The following ANO6 variants were observed in gnomAD, a reference collection of about 807,000 sequenced individuals.
The protein encoded by ANO6 is anoctamin 6, also known as anoctamin-6.
Under a neutral mutation model 117.5 loss-of-function variants are expected in ANO6, and 106 were observed. The observed-to-expected ratio is 0.90, with a 90% CI of 0.77 to 1.06. The LOEUF is 1.06. ANO6 is among the 50% of genes least tolerant of loss of function. The pLI, the probability that ANO6 is intolerant of heterozygous loss-of-function variation, is 0.00. For synonymous variants in ANO6, 367 were observed against 385.1 expected (o/e 0.95, Z 0.55); for missense variants, 955 against 1,121.1 (o/e 0.85, Z 2.12).
chr12:45,263,071 A>G (rs1938095134), intron 1 of ANO6, among the ~76,000 whole-genome samples: 1 of 151,394 alleles, frequency 6.6e-6, no homozygotes, highest in South Asian at 2.1e-4. Context: ...TCTAGCATGC[A>G]TCAGATTTTT....
chr12:45,224,399 T>C (rs187542065), intron 1 of ANO6, among the ~76,000 whole-genome samples: 2 of 151,954 alleles, frequency 1.3e-5, no homozygotes, highest in East Asian at 3.9e-4. Flanking sequence ...TATACACATG[T>C]ATAAATATGT....
At chr12:45,394,252 G>T (rs959044962) in intron 12 of ANO6, among the ~76,000 whole-genome samples, 1 of 152,092 alleles carries the variant, frequency 6.6e-6, no homozygotes, top group South Asian at 2.1e-4. Flanking sequence ...AGACAAAATA[G>T]GCCATTATGT....
At chr12:45,219,236 T>C (rs577456764) in intron 1 of ANO6, among the ~76,000 whole-genome samples, 53 of 152,168 alleles carry the variant, frequency 3.5e-4, no homozygotes, top group Admixed American at 4.6e-4. Context: ...ATCATAGAGA[T>C]GCTTTATGTA....
chr12:45,284,855 CA>C (rs1938856885), intron 1 of ANO6, among the ~76,000 whole-genome samples: 1 of 152,160 alleles, frequency 6.6e-6, no homozygotes, highest in Admixed American at 6.5e-5. Flanking sequence ...GATGAAACCA[CA>C]AAGGACCAGT....
intron 2 of ANO6, among the ~76,000 whole-genome samples, chr12:45,314,458 A>T (rs201479554): frequency 1.3e-3 from 108 of 86,064 alleles, no homozygotes; most frequent in African/African-American, 3.7e-3. Flanking sequence ...AAAAAAAATT[A>T]TATATATATT....
Position 45,429,951 on chromosome 12 carries a change from G to A in ANO6, c.*640G>A. ...AGTAGGTTGGAGTGAAGATAGCAAG[G>A]TTTTGAAGCATATTTGTCCTAATCC... On this transcript the variant is annotated 3_prime_UTR_variant, in exon 20 of 20. Transcript: ENST00000320560. 8 of 987,580 alleles carry A rather than the reference G, an allele frequency of 8.1e-6. No homozygotes were observed. The highest frequency in any genetic ancestry group is 9.6e-6 in the Non-Finnish European group (8 of 831,404). 61.2% of individuals were successfully genotyped at this position (987,580 alleles called of 1,614,324 possible).
chr12:45,253,105 C>T (rs1054379074), intron 1 of ANO6, among the ~76,000 whole-genome samples: 4 of 152,174 alleles, frequency 2.6e-5, no homozygotes, highest in Non-Finnish European at 5.9e-5. Flanking sequence ...CCCTTGTTCT[C>T]CTGAGAAATT....
intron 1 of ANO6, among the ~76,000 whole-genome samples, chr12:45,227,178 C>T (rs1947496749): frequency 1.3e-5 from 2 of 151,830 alleles, no homozygotes; most frequent in African/African-American, 4.8e-5. Context: ...TTAGTAGAGA[C>T]AAGGTTTCAC....
At chr12:45,302,877 C>G (rs1369815955) in intron 2 of ANO6, among the ~76,000 whole-genome samples, 1 of 152,034 alleles carries the variant, frequency 6.6e-6, no homozygotes, top group Non-Finnish European at 1.5e-5. Flanking sequence ...GATTTTTGTC[C>G]CTGCTGCAAA....
intron 1 of ANO6, among the ~76,000 whole-genome samples, chr12:45,260,311 A>AG (rs1490322630): frequency 1.3e-5 from 2 of 152,212 alleles, no homozygotes; most frequent in Non-Finnish European, 2.9e-5. Context: ...GAGGCACTCA[A>AG]GTAAGAGCTA....
chr12:45,226,575 G>A (rs1255898230), intron 1 of ANO6, among the ~76,000 whole-genome samples: 1 of 151,594 alleles, frequency 6.6e-6, no homozygotes, highest in Non-Finnish European at 1.5e-5. Flanking sequence ...TATAAAGCTT[G>A]TTTTATCTAA....
chr12:45,417,000 G>GA, intron 17 of ANO6, 96 bp downstream of exon 17: 1 of 1,234,518 alleles, frequency 8.1e-7, no homozygotes. Flanking sequence ...AAAATGAGAG[G>GA]AAGATGCTAA....
At chr12:45,394,172 CA>C (rs987331285) in intron 12 of ANO6, among the ~76,000 whole-genome samples, 1 of 150,748 alleles carries the variant, frequency 6.6e-6, no homozygotes, top group Non-Finnish European at 1.5e-5. Context: ...AAATGGAAAG[CA>C]AAAAAAAGCA....
At chr12:45,348,784 G>C (rs1255915308) in intron 6 of ANO6, among the ~76,000 whole-genome samples, 153 bp downstream of exon 6, 1 of 152,182 alleles carries the variant, frequency 6.6e-6, no homozygotes, top group African/African-American at 2.4e-5. Context: ...GTAAGAACTA[G>C]GTCTTTTGTT....
At chr12:45,375,452 C>G (rs1177094121) in intron 9 of ANO6, among the ~76,000 whole-genome samples, 2 of 152,220 alleles carry the variant, frequency 1.3e-5, no homozygotes, top group African/African-American at 4.8e-5. Context: ...TGACTTCAAA[C>G]TATACTACAA....
At chr12:45,402,965 AT>A (rs1335695838) in intron 13 of ANO6, 106 bp from the exon 14 acceptor site, 11 of 1,071,240 alleles carry the variant, frequency 1.0e-5, no homozygotes, top group African/African-American at 6.4e-5. Context: ...TGTGAATTGT[AT>A]TTTTTTAACG....
intron 12 of ANO6, 59 bp downstream of exon 12, chr12:45,390,557 T>G: frequency 1.4e-6 from 2 of 1,405,542 alleles, no homozygotes; most frequent in Non-Finnish European, 2.0e-6. Context: ...TGTAACAGAT[T>G]TTTTTAATAT....
chr12:45,357,313 G>A lies in ANO6; in HGVS notation c.887G>A (p.Gly296Glu), dbSNP rs1302223689. 1 of 1,613,908 alleles carries A rather than the reference G, an allele frequency of 6.2e-7. No individual in the cohort carries two copies. Among genetic ancestry groups the A allele is most frequent in the Admixed American group, 1.7e-5 (1 of 60,016 alleles). Residue 296 changes from glycine (G) to glutamate (E), a missense_variant, in exon 8 of 20, where the codon GGA (glycine) becomes GAA (glutamate). By Grantham distance (98) the Gly-to-Glu change is moderately conservative. Transcript: ENST00000320560. ...AGGAAATACTATGGAGAGAAGATTG[G>A]AATCTACTTTGCTTGGCTGGGCTAT... ...LIRKYYGEKI[G>E]IYFAWLGYYT...
In ANO6 at chr12:45,357,365, A is replaced by C. The variant is rs1565715867; in HGVS notation, c.939A>C (p.Ala313=). The C allele has an allele frequency of 6.2e-7, 1 of 1,614,004 alleles. No individual in the cohort carries two copies. Among genetic ancestry groups the C allele is most frequent in the Non-Finnish European group, 8.5e-7 (1 of 1,179,986 alleles). ...ACACTCAGATGCTTCTCCTGGCCGC[A>C]GTTGTAGGAGTGGCTTGCTTTCTCT... The part of the protein sequence containing the change: ...GYYTQMLLLA[A]VVGVACFLYG... Residue 313 remains alanine (A), a synonymous_variant, in exon 8 of 20, where the codon GCA becomes GCC. Transcript: ENST00000320560.
Sources: allele counts gnomAD v4.1 joint callset (sites outside exome capture counted in the v4.1 genomes callset), GRCh38; gene constraint gnomAD v4.1.1; transcripts MANE v1.5; gene names NCBI Gene and HGNC (gene_info 2026-07-23, HGNC 2026-07-21).